The following TGS1 variants were observed in gnomAD, a reference collection of about 807,000 sequenced individuals.
TGS1 encodes the protein trimethylguanosine synthase.
In TGS1, 69 loss-of-function variants were observed where a neutral mutation model predicts 92.2. The observed-to-expected ratio is 0.75, with a 90% CI of 0.62 to 0.91. The LOEUF is 0.91. Among genes scored for constraint, TGS1 ranks in the 40% least tolerant of loss-of-function variants. TGS1 has a pLI of 0.00. For synonymous variants in TGS1, 345 were observed against 338.1 expected (o/e 1.02, Z -0.22); for missense variants, 1,062 against 1,001.2 (o/e 1.06, Z -0.82).
At position 55,773,718 on chromosome 8, in the gene TGS1, G is replaced by A. The variant is rs1173247314; in HGVS notation, c.100G>A (p.Glu34Lys). ...ILCLCSRAFV[E>K]DRKLYNLGLK... ...GTGCCTTTGCTCCAGGGCATTTGTG[G>A]AGTAAGTAGAAAAGAGAATCTCTTC... is the stretch of plus-strand genomic sequence containing the variant. Residue 34 changes from glutamate (E) to lysine (K), a missense_variant and splice_region_variant, in exon 1 of 13, where the codon GAG becomes AAG. Coordinates refer to ENST00000260129, the MANE Select transcript of TGS1 (RefSeq NM_024831.8). 6.2e-7 allele frequency: 1 copy of A among 1,606,612 alleles called. No homozygotes were observed. The highest frequency in any genetic ancestry group is 8.5e-7 in the Non-Finnish European group (1 of 1,175,522).
chr8:55,809,913 T>C (rs1803294596), intron 10 of TGS1, among the ~76,000 whole-genome samples: 1 of 152,244 alleles, frequency 6.6e-6, no homozygotes, highest in Non-Finnish European at 1.5e-5. Flanking sequence ...GTCTCTGAAC[T>C]ATAAATGTAA....
intron 11 of TGS1, among the ~76,000 whole-genome samples, chr8:55,812,128 T>C (rs1017360767): frequency 6.6e-6 from 1 of 152,176 alleles, no homozygotes; most frequent in Non-Finnish European, 1.5e-5. Context: ...CAAACCCTTA[T>C]TTCATAGAGT....
chr8:55,824,517 A>G (rs2130271490), intron 12 of TGS1, 64 bp from the exon 13 acceptor site: 1 of 1,600,108 alleles, frequency 6.2e-7, no homozygotes, highest in Non-Finnish European at 8.5e-7. Context: ...AAAGCAGTAC[A>G]AGTGAAAGAC....
Position 55,773,641 on chromosome 8 carries a change from G to T in TGS1, c.23G>T (p.Arg8Leu), listed in dbSNP as rs780065198. 1.7e-5 allele frequency: 28 copies of T among 1,611,034 alleles called. No homozygotes were observed. The highest frequency in any genetic ancestry group is 2.3e-5 in the Non-Finnish European group (27 of 1,178,906). MCCEKWS[R>L]VAEMFLFIEE... ...AAAATGTGCTGCGAGAAGTGGAGCC[G>T]CGTGGCGGAAATGTTTCTCTTCATT... is the stretch of plus-strand genomic sequence containing the variant. Residue 8 changes from arginine to leucine, a missense_variant, in exon 1 of 13, where the codon CGC (arginine) becomes CTC (leucine). By Grantham distance (102) the Arg-to-Leu change is moderately radical. Transcript: ENST00000260129.
At chr8:55,801,674 C>T (rs185405780) in intron 8 of TGS1, among the ~76,000 whole-genome samples, 3,347 of 145,170 alleles carry the variant, frequency 0.023, 58 homozygotes, top group East Asian at 0.07. Context: ...CTGCAAGCTC[C>T]GCCTCCCGGG....
rs1811599175 is a variant in TGS1 at position 55,782,663 on chromosome 8, TTAATC to T, written c.102-82_102-78del. ...TTCTGTTTCATAAGCTTTTTATTAA[TTAATC>T]TATGATGGCTCGAGATTTCTTTCCC... On this transcript the variant is annotated intron_variant, in intron 1 of 12. Coordinates refer to ENST00000260129, the MANE Select transcript of TGS1 (RefSeq NM_024831.8). 3.0e-6 allele frequency: 3 copies of T among 1,016,888 alleles called. No homozygotes were observed. The Admixed American group carries it at 8.0e-5, about 27-fold the overall frequency. 63.0% of individuals were successfully genotyped at this position (1,016,888 alleles called of 1,614,324 possible).
chr8:55,786,638 A>T lies in TGS1; in HGVS notation c.740A>T (p.Tyr247Phe). ...CAACATTATAGTCAACTTTATTGGTATTATTTGGAACAATTTCAGTATTGG... is the reference window on the plus strand; with the variant it reads ...CAACATTATAGTCAACTTTATTGGTTTTATTTGGAACAATTTCAGTATTGG... ...WEQHYSQLYW[Y>F]YLEQFQYWEA... Residue 247 changes from tyrosine to phenylalanine, a missense_variant, in exon 4 of 13, where the codon TAT (tyrosine) becomes TTT (phenylalanine). Transcript: ENST00000260129. 6.2e-7 allele frequency: 1 copy of T among 1,614,194 alleles called. No homozygotes were observed. Among genetic ancestry groups the T allele is most frequent in the East Asian group, 2.2e-5 (1 of 44,876 alleles).
intron 5 of TGS1, among the ~76,000 whole-genome samples, chr8:55,790,901 A>AAT (rs1491004141): frequency 6.6e-6 from 1 of 152,114 alleles, no homozygotes; most frequent in Non-Finnish European, 1.5e-5. Flanking sequence ...GCTAGCATGT[A>AAT]ATATATCTGA....
At chr8:55,791,475 G>C (rs907266417) in intron 5 of TGS1, among the ~76,000 whole-genome samples, 1 of 152,320 alleles carries the variant, frequency 6.6e-6, no homozygotes, top group East Asian at 1.9e-4. Context: ...GGCAGTGGTT[G>C]TGCCACTCCT....
chr8:55,791,784 A>G (rs1245925447), intron 5 of TGS1, among the ~76,000 whole-genome samples: 1 of 152,074 alleles, frequency 6.6e-6, no homozygotes, highest in South Asian at 2.1e-4. Flanking sequence ...TTTGGTATTC[A>G]TCTCTACATT....
intron 12 of TGS1, among the ~76,000 whole-genome samples, chr8:55,815,139 T>G (rs1330817655): frequency 1.3e-5 from 2 of 152,238 alleles, no homozygotes; most frequent in African/African-American, 4.8e-5. Flanking sequence ...TTATGCTGAT[T>G]AACTTTTTCT....
intron 2 of TGS1, among the ~76,000 whole-genome samples, chr8:55,785,058 G>GTTTTTTTTTTTTTTTTTTTTTT (rs1262385274): frequency 1.4e-5 from 2 of 143,584 alleles, no homozygotes; most frequent in African/African-American, 2.7e-5. Context: ...GGTGTTTTTT[G>GTTTTTTTTTTTTTTTTTTTTTT]TTTTTTGTTT....
At position 55,795,971 on chromosome 8, in the gene TGS1, G is replaced by GA. The variant is rs386412816; in HGVS notation, c.1368-7_1368-6insA. ...AGTTGTGAATAACTTCTTTTGATCT[G>GA]TCACAGATATGGTGGAATCCCAAAT... On this transcript the variant is annotated splice_region_variant and splice_polypyrimidine_tract_variant and intron_variant, in intron 6 of 12. Transcript: ENST00000260129. The GA allele has an allele frequency of 1.3e-6, 2 of 1,565,400 alleles. No homozygotes were observed. The highest frequency in any genetic ancestry group is 3.6e-5 in the African/African-American group (2 of 55,248).
intron 5 of TGS1, among the ~76,000 whole-genome samples, 191 bp downstream of exon 5, chr8:55,790,490 C>T (rs556214101): frequency 4.0e-4 from 57 of 142,794 alleles, no homozygotes; most frequent in Non-Finnish European, 7.2e-4. Context: ...CACTCACAAA[C>T]TCTAAGTACA....
intron 1 of TGS1, among the ~76,000 whole-genome samples, chr8:55,776,558 C>T (rs1312584709): frequency 1.3e-5 from 2 of 152,134 alleles, no homozygotes; most frequent in African/African-American, 2.4e-5. Context: ...GGATTACAGG[C>T]GTGAGCCACT....
At chr8:55,789,202 G>A (rs1811805008) in intron 4 of TGS1, among the ~76,000 whole-genome samples, 3 of 152,156 alleles carry the variant, frequency 2.0e-5, no homozygotes, top group Admixed American at 2.0e-4. Context: ...CTACCCTGCA[G>A]ACATCTTTTT....
intron 5 of TGS1, among the ~76,000 whole-genome samples, chr8:55,790,533 G>A (rs1055402988): frequency 1.3e-5 from 2 of 149,036 alleles, no homozygotes; most frequent in Non-Finnish European, 3.0e-5. Flanking sequence ...ACATGGTCTC[G>A]CTTTATTGCT....
Position 55,786,693 on chromosome 8 carries a change from G to A in TGS1, c.795G>A (p.Ser265=), listed in dbSNP as rs567189086. 498 of 1,614,048 alleles carry A rather than the reference G, an allele frequency of 3.1e-4. 6 individuals carry two copies. Among genetic ancestry groups the A allele is most frequent in the South Asian group, 2.9e-3 (266 of 91,078 alleles). ...CTCAGGGTTGGACTTTTGATGCCTC[G>A]CAAAGCTGTGATACAGATACTTACA... ...WEAQGWTFDA[S]QSCDTDTYTS... is the part of the protein sequence containing the mutation. The change falls in exon 4 of 13, where the codon TCG becomes TCA. Residue 265 remains serine, a synonymous_variant. Coordinates refer to ENST00000260129, the MANE Select transcript of TGS1 (RefSeq NM_024831.8).
intron 8 of TGS1, among the ~76,000 whole-genome samples, 165 bp from the exon 9 acceptor site, chr8:55,802,292 T>C (rs1812239393): frequency 6.6e-6 from 1 of 152,212 alleles, no homozygotes; most frequent in African/African-American, 2.4e-5. Context: ...CTGGTGGTGA[T>C]TGAAGCCAGT....
Sources: allele counts gnomAD v4.1 joint callset (sites outside exome capture counted in the v4.1 genomes callset), GRCh38; gene constraint gnomAD v4.1.1; transcripts MANE v1.5; gene names NCBI Gene and HGNC (gene_info 2026-07-23, HGNC 2026-07-21).